PHLDB2: variants seen among roughly 807,000 people sequenced by gnomAD.
The protein encoded by PHLDB2 is pleckstrin homology-like domain family B member 2.
In PHLDB2, 71 loss-of-function variants were observed where a neutral mutation model predicts 123.6. The observed-to-expected ratio is 0.57, with a 90% CI of 0.47 to 0.70. The LOEUF (loss-of-function observed/expected upper bound fraction) is 0.70, where lower values mean the gene tolerates loss of function less well. Among genes scored for constraint, PHLDB2 ranks in the 30% least tolerant of loss-of-function variants. PHLDB2 has a pLI of 0.00. For synonymous variants in PHLDB2, 547 were observed against 541.6 expected, an observed-to-expected ratio of 1.01 and a Z score of -0.14; for missense variants, 1,446 against 1,519.5, an observed-to-expected ratio of 0.95 and a Z score of 0.80.
chr3:111,803,151 A>C (rs2108279156), intron 1 of PHLDB2, among the ~76,000 whole-genome samples: 1 of 152,354 alleles, frequency 6.6e-6, no homozygotes, highest in South Asian at 2.1e-4. Flanking sequence ...CTTGGTTGGC[A>C]TCTGCTACTT....
intron 10 of PHLDB2, 66 bp from the exon 11 acceptor site, chr3:111,952,506 C>T: frequency 6.5e-7 from 1 of 1,533,536 alleles, no homozygotes; most frequent in South Asian, 1.3e-5. Context: ...CATAATTCTT[C>T]ATTTCTTCAG....
chr3:111,921,217 G>A (rs1258322718), intron 5 of PHLDB2, among the ~76,000 whole-genome samples: 3 of 152,060 alleles, frequency 2.0e-5, no homozygotes, highest in African/African-American at 7.2e-5. Flanking sequence ...GTTAGTTAGA[G>A]CAGAACTAAA....
At chr3:111,835,867 A>G (rs1403436607) in intron 1 of PHLDB2, among the ~76,000 whole-genome samples, 4 of 152,200 alleles carry the variant, frequency 2.6e-5, no homozygotes, top group Non-Finnish European at 5.9e-5. Flanking sequence ...CCGAAGGGCC[A>G]GGAAGAAGTT....
intron 1 of PHLDB2, among the ~76,000 whole-genome samples, chr3:111,841,636 A>G (rs546100120): frequency 6.6e-6 from 1 of 152,316 alleles, no homozygotes; most frequent in Non-Finnish European, 1.5e-5. Context: ...TCTGGCTGTA[A>G]GTGCTCTGAA....
intron 5 of PHLDB2, among the ~76,000 whole-genome samples, chr3:111,927,643 T>C (rs1207140620): frequency 6.6e-6 from 1 of 152,244 alleles, no homozygotes; most frequent in East Asian, 1.9e-4. Context: ...TCATTTTGTA[T>C]TGTAATTATG....
chr3:111,964,847 G>T (rs564419844), intron 13 of PHLDB2, among the ~76,000 whole-genome samples: 1 of 152,114 alleles, frequency 6.6e-6, no homozygotes, highest in Non-Finnish European at 1.5e-5. Context: ...GATAAATGGG[G>T]ATTAGGCTAT....
At chr3:111,846,891 A>G (rs2064017950) in intron 2 of PHLDB2, among the ~76,000 whole-genome samples, 1 of 152,214 alleles carries the variant, frequency 6.6e-6, no homozygotes, top group Non-Finnish European at 1.5e-5. Context: ...ACGATGTGAA[A>G]TACTTTGACA....
chr3:111,741,302 A>G (rs1014470315), intron 1 of PHLDB2, among the ~76,000 whole-genome samples: 2 of 152,214 alleles, frequency 1.3e-5, no homozygotes, highest in African/African-American at 2.4e-5. Flanking sequence ...TCTCACAGTG[A>G]AAAAGGGAAG....
intron 1 of PHLDB2, among the ~76,000 whole-genome samples, chr3:111,870,848 G>A (rs1475702468): frequency 1.3e-5 from 2 of 152,198 alleles, no homozygotes; most frequent in Non-Finnish European, 2.9e-5. Context: ...AGACCAGCCT[G>A]TGGACCACCA....
Position 111,940,634 on chromosome 3 carries a change from A to T in PHLDB2, c.2386A>T (p.Met796Leu). Residue 796 changes from methionine (M) to leucine (L), a missense_variant, in exon 8 of 18, where the codon ATG becomes TTG. Transcript: ENST00000431670. ...FVKEKNNLIM[M>L]LQREKENLCN... ...GAAAGAAAAGAATAATTTAATAATG[A>T]TGTTGCAAAGAGTAAGTATTTCCTT... The T allele has an allele frequency of 6.3e-7, 1 of 1,586,384 alleles. No individual in the cohort carries two copies. The highest frequency in any genetic ancestry group is 8.6e-7 in the Non-Finnish European group (1 of 1,161,168).
intron 3 of PHLDB2, chr3:111,914,388 A>G (rs1201079782): frequency 1.3e-5 from 2 of 152,128 alleles, no homozygotes; most frequent in Admixed American, 1.3e-4. Context: ...AAAAGACCAT[A>G]TTAAAAAAAG....
intron 1 of PHLDB2, among the ~76,000 whole-genome samples, chr3:111,862,931 G>A (rs1463361018): frequency 6.6e-6 from 1 of 152,128 alleles, no homozygotes; most frequent in Non-Finnish European, 1.5e-5. Context: ...AGCGAGCTAA[G>A]GGCGGGCAGA....
chr3:111,751,642 C>A (rs990838666), intron 1 of PHLDB2, among the ~76,000 whole-genome samples: 2 of 138,614 alleles, frequency 1.4e-5, no homozygotes, highest in East Asian at 2.2e-4. Flanking sequence ...AGAGTCAAAT[C>A]CCTCAGTGCC....
At chr3:111,910,399 G>C (rs2067818398) in intron 2 of PHLDB2, among the ~76,000 whole-genome samples, 1 of 152,188 alleles carries the variant, frequency 6.6e-6, no homozygotes, top group Non-Finnish European at 1.5e-5. Context: ...TCAAGAGAAT[G>C]AACACTAGAT....
At chr3:111,941,690 C>T (rs575069596) in intron 8 of PHLDB2, among the ~76,000 whole-genome samples, 15 of 152,210 alleles carry the variant, frequency 9.9e-5, no homozygotes, top group Non-Finnish European at 1.9e-4. Flanking sequence ...CACCTTGATC[C>T]CAGCTACTCA....
chr3:111,880,905 C>T (rs1358844579), intron 1 of PHLDB2, among the ~76,000 whole-genome samples: 1 of 152,092 alleles, frequency 6.6e-6, no homozygotes, highest in Non-Finnish European at 1.5e-5. Flanking sequence ...ATTTTTTCGG[C>T]CAAATCTGTT....
chr3:111,785,603 C>T (rs1414101732), intron 1 of PHLDB2, among the ~76,000 whole-genome samples: 2 of 151,968 alleles, frequency 1.3e-5, no homozygotes, highest in Non-Finnish European at 2.9e-5. Context: ...GATTCTTCCC[C>T]TCCCACCCAA....
chr3:111,785,642 A>G (rs993310563), intron 1 of PHLDB2, among the ~76,000 whole-genome samples: 3 of 152,114 alleles, frequency 2.0e-5, no homozygotes, highest in Admixed American at 2.0e-4. Context: ...ACTAATCTTA[A>G]ACTCAACAAG....
At chr3:111,800,285 C>T (rs569135705) in intron 1 of PHLDB2, among the ~76,000 whole-genome samples, 17 of 152,242 alleles carry the variant, frequency 1.1e-4, no homozygotes, top group Admixed American at 6.5e-4. Context: ...GGATTACAGA[C>T]GTGAGCCAAC....
Sources: gnomAD v4.1 joint callset for allele counts (sites outside exome capture counted in the v4.1 genomes callset) on GRCh38, gnomAD v4.1.1 for gene constraint, MANE v1.5 for transcripts, NCBI Gene and HGNC (gene_info 2026-07-23, HGNC 2026-07-21) for gene names.